YAP1: variants seen among roughly 807,000 people sequenced by gnomAD.
The protein encoded by YAP1 is Yes1 associated transcriptional regulator, also known as transcriptional coactivator YAP1.
In YAP1, 5 loss-of-function variants were observed where a neutral mutation model predicts 56.9. That is an observed-to-expected ratio of 0.09 (90% CI 0.05 to 0.18). The LOEUF (loss-of-function observed/expected upper bound fraction) is 0.18. YAP1 is among the 10% of genes least tolerant of loss of function. YAP1 has a pLI of 1.00. For synonymous variants in YAP1, 265 were observed against 248.1 expected (o/e 1.07, Z -0.64); for missense variants, 539 against 651.8 (o/e 0.83, Z 1.88).
intron 2 of YAP1, among the ~76,000 whole-genome samples, chr11:102,159,239 G>C (rs1180916667): frequency 6.6e-6 from 1 of 151,994 alleles, no homozygotes; most frequent in Non-Finnish European, 1.5e-5. Context: ...TTGTGGTGCC[G>C]CACAGGTCCT....
At position 102,162,440 on chromosome 11, in the gene YAP1, G is replaced by A; in HGVS notation, c.573-16G>A. ...CTGGTATTTGTTTCCTAATGCAGTG[G>A]TTTGTTTTGTCTTAGTCACATCGAT... On this transcript the variant is annotated splice_polypyrimidine_tract_variant and intron_variant, in intron 2 of 8. Transcript: ENST00000282441. The A allele has an allele frequency of 6.2e-7, 1 of 1,609,236 alleles. No individual in the cohort carries two copies. The highest frequency in any genetic ancestry group is 8.5e-7 in the Non-Finnish European group (1 of 1,175,690).
intron 6 of YAP1, among the ~76,000 whole-genome samples, chr11:102,222,848 T>C (rs1346395107): frequency 6.6e-6 from 1 of 151,104 alleles, no homozygotes; most frequent in Admixed American, 6.6e-5. Flanking sequence ...AATCATCAGA[T>C]GCTATTCTTC....
chr11:102,171,915 C>A (rs1456130799), intron 3 of YAP1, among the ~76,000 whole-genome samples: 1 of 152,050 alleles, frequency 6.6e-6, no homozygotes, highest in Non-Finnish European at 1.5e-5. Context: ...CAGGACCAGG[C>A]GTGGTGGCTC....
chr11:102,152,732 A>G (rs1196127674), intron 2 of YAP1, among the ~76,000 whole-genome samples: 1 of 152,240 alleles, frequency 6.6e-6, no homozygotes, highest in Non-Finnish European at 1.5e-5. Flanking sequence ...TGCCTGGAAC[A>G]TAGCTGAGTA....
intron 2 of YAP1, among the ~76,000 whole-genome samples, chr11:102,123,075 T>C (rs1943781411): frequency 6.6e-6 from 1 of 152,156 alleles, no homozygotes; most frequent in Admixed American, 6.5e-5. Flanking sequence ...TCTTGAATTT[T>C]CATCACCCCT....
intron 3 of YAP1, among the ~76,000 whole-genome samples, chr11:102,180,842 C>T (rs1241301225): frequency 6.6e-6 from 1 of 151,802 alleles, no homozygotes; most frequent in African/African-American, 2.4e-5. Flanking sequence ...TGTTTCGAAG[C>T]TAAATGGCCA....
rs76425173 is a variant in YAP1 at position 102,206,268 on chromosome 11, A to T, written c.984+194A>T. 7.9e-3 allele frequency among the ~76,000 whole-genome samples: 1,205 copies of T among 152,328 alleles called. 21 individuals are homozygous for T. The highest frequency in any genetic ancestry group is 0.027 in the African/African-American group (1,137 of 41,578). ...GTGAATGGCCTTTGATCAAGTTACAAGGGATGTGACTTGGAAACCTGTATC... is the reference window on the plus strand; with the variant it reads ...GTGAATGGCCTTTGATCAAGTTACATGGGATGTGACTTGGAAACCTGTATC... On this transcript the variant is annotated intron_variant, in intron 5 of 8. Coordinates refer to ENST00000282441, the MANE Select transcript of YAP1 (RefSeq NM_001130145.3).
At chr11:102,122,279 G>A (rs1233057533) in intron 2 of YAP1, among the ~76,000 whole-genome samples, 1 of 151,930 alleles carries the variant, frequency 6.6e-6, no homozygotes, top group Non-Finnish European at 1.5e-5. Flanking sequence ...AAAAAAATGG[G>A]CGTGGTAGCC....
chr11:102,220,997 G>A (rs1949901034), intron 6 of YAP1, among the ~76,000 whole-genome samples: 1 of 152,160 alleles, frequency 6.6e-6, no homozygotes, highest in Non-Finnish European at 1.5e-5. Flanking sequence ...GAGTTGGTTT[G>A]GTTTCAAATA....
chr11:102,133,137 A>G (rs1565441066), intron 2 of YAP1, among the ~76,000 whole-genome samples: 1 of 151,492 alleles, frequency 6.6e-6, no homozygotes, highest in Non-Finnish European at 1.5e-5. Context: ...CAGCCTGGCA[A>G]CAGAGTGAGA....
intron 6 of YAP1, among the ~76,000 whole-genome samples, chr11:102,209,796 G>A (rs997212342): frequency 1.3e-5 from 2 of 152,158 alleles, no homozygotes; most frequent in Admixed American, 6.5e-5. Context: ...TTGATTCCAT[G>A]GAGGTCTTTT....
intron 2 of YAP1, among the ~76,000 whole-genome samples, chr11:102,157,581 T>C (rs561224658): frequency 6.6e-6 from 1 of 152,358 alleles, no homozygotes; most frequent in African/African-American, 2.4e-5. Flanking sequence ...TCCAGTTTTA[T>C]TGTTTACTAA....
rs1440256004 is a variant in YAP1, at chr11:102,230,565, A to G, written c.*625A>G. Reference sequence around the variant, plus strand: ...TTAGGAGCTTATAAGGCATGAGACAATTTCCATATAAATATATTAATTATT... The same window carrying G: ...TTAGGAGCTTATAAGGCATGAGACAGTTTCCATATAAATATATTAATTATT... On this transcript the variant is annotated 3_prime_UTR_variant, in exon 9 of 9. Transcript: ENST00000282441. The G allele has an allele frequency of 6.6e-6, 1 of 152,608 alleles. No homozygotes were observed. Among genetic ancestry groups the G allele is most frequent in the Admixed American group, 6.5e-5 (1 of 15,274 alleles). The allele number at this position is 152,608 out of a possible 1,614,324, so 9.5% of individuals were successfully genotyped here.
intron 6 of YAP1, among the ~76,000 whole-genome samples, chr11:102,216,445 A>T (rs1949672677): frequency 6.6e-6 from 1 of 152,210 alleles, no homozygotes; most frequent in African/African-American, 2.4e-5. Context: ...TTTAAAAATA[A>T]GCCTGTATAT....
chr11:102,162,636 G>GA (rs1259387912), intron 3 of YAP1, 65 bp downstream of exon 3: 9 of 1,479,098 alleles, frequency 6.1e-6, no homozygotes, highest in Non-Finnish European at 8.5e-6. Context: ...AGTTGATGTG[G>GA]AAAATAGTCA....
chr11:102,154,530 C>G (rs907462203), intron 2 of YAP1, among the ~76,000 whole-genome samples: 3 of 151,886 alleles, frequency 2.0e-5, no homozygotes, highest in Non-Finnish European at 4.4e-5. Flanking sequence ...AAAAACACAG[C>G]ATGTTATAAT....
chr11:102,194,731 C>T (rs1216962740), intron 4 of YAP1, among the ~76,000 whole-genome samples: 1 of 152,058 alleles, frequency 6.6e-6, no homozygotes, highest in Non-Finnish European at 1.5e-5. Flanking sequence ...AATTTCAGAC[C>T]AGTTTTTGTG....
intron 2 of YAP1, among the ~76,000 whole-genome samples, chr11:102,145,518 A>G (rs898424164): frequency 1.3e-5 from 2 of 152,214 alleles, no homozygotes; most frequent in African/African-American, 4.8e-5. Context: ...AACCAATTTG[A>G]TAAGAAACCT....
chr11:102,139,489 T>G (rs1251293558), intron 2 of YAP1, among the ~76,000 whole-genome samples: 1 of 152,182 alleles, frequency 6.6e-6, no homozygotes, highest in Non-Finnish European at 1.5e-5. Flanking sequence ...TGTTTATCAG[T>G]TGCCTACTTT....
Sources: allele counts gnomAD v4.1 joint callset (sites outside exome capture counted in the v4.1 genomes callset), GRCh38; gene constraint gnomAD v4.1.1; transcripts MANE v1.5; gene names NCBI Gene and HGNC (gene_info 2026-07-23, HGNC 2026-07-21).